The following ATRX variants were observed in gnomAD, a reference collection of about 807,000 sequenced individuals.
ATRX encodes ATRX chromatin remodeler.
ATRX carries 12 observed loss-of-function variants against 172.6 expected under a neutral mutation model. That is an observed-to-expected ratio of 0.07 (90% CI 0.04 to 0.11). The LOEUF is 0.11. Ranked by LOEUF, ATRX falls within the 10% of genes least tolerant of loss-of-function variation. The pLI is 1.00. For synonymous variants in ATRX, 674 were observed against 594.7 expected, an observed-to-expected ratio of 1.13 and a Z score of -1.94; for missense variants, 1,368 against 1,767.4, an observed-to-expected ratio of 0.77 and a Z score of 4.05.
intron 1 of ATRX, among the ~76,000 whole-genome samples, chrX:77,723,372 T>C (rs2073874056): frequency 8.9e-6 from 1 of 111,811 alleles, no homozygotes; most frequent in African/African-American, 3.3e-5. Flanking sequence ...ACTTAGTAAG[T>C]GTTCCTCTGC....
chrX:77,530,498 A>G (rs932218833), intron 30 of ATRX, among the ~76,000 whole-genome samples: 9 of 111,007 alleles, frequency 8.1e-5, no homozygotes, highest in Non-Finnish European at 1.3e-4. Context: ...AATCCCAGCT[A>G]CCTGGGAGGC....
In ATRX at chrX:77,654,182, C is replaced by T. The variant is rs1557118780; in HGVS notation, c.4233G>A (p.Glu1411=). The change falls in exon 14 of 35, where the codon GAG becomes GAA. Residue 1411 remains glutamate, a synonymous_variant. Transcript: ENST00000373344. ...TATAGCTCCGCTGATTTTCTTCCAA[C>T]TCTGCTTTCTTTGCAGACCTGACGA... The part of the protein sequence containing the change: ...RPRTRSAKKA[E]LEENQRSYKQ... The T allele has an allele frequency of 8.3e-7, 1 of 1,209,492 alleles. No homozygotes were observed. Among genetic ancestry groups the T allele is most frequent in the South Asian group, 1.8e-5 (1 of 56,975 alleles).
At chrX:77,521,952 C>A in intron 32 of ATRX, 1 of 258,215 alleles carries the variant, frequency 3.9e-6, no homozygotes, top group African/African-American at 2.7e-5. Flanking sequence ...AGTAAGATAG[C>A]AATTTATTAT....
At chrX:77,686,156 G>C (rs1335499320) in intron 7 of ATRX, among the ~76,000 whole-genome samples, 1 of 112,071 alleles carries the variant, frequency 8.9e-6, no homozygotes, top group Non-Finnish European at 1.9e-5. Context: ...GGTGACTACA[G>C]TCAATAGCAA....
intron 2 of ATRX, among the ~76,000 whole-genome samples, chrX:77,707,160 A>G (rs1337996632): frequency 8.9e-6 from 1 of 112,025 alleles, no homozygotes; most frequent in Non-Finnish European, 1.9e-5. Context: ...TTCCTAGAGT[A>G]GTCAAATTCC....
intron 1 of ATRX, among the ~76,000 whole-genome samples, chrX:77,771,031 T>C (rs1242005328): frequency 8.9e-6 from 1 of 112,168 alleles, no homozygotes; most frequent in African/African-American, 3.2e-5. Context: ...TAAAAGTATT[T>C]GTTGATTTTC....
chrX:77,645,073 T>C (rs782538112), intron 15 of ATRX, among the ~76,000 whole-genome samples: 2 of 111,432 alleles, frequency 1.8e-5, no homozygotes, highest in Non-Finnish European at 3.8e-5. Context: ...TCAAAAACTT[T>C]AGAGGCCAGA....
At chrX:77,537,110 A>C (rs1406767355) in intron 30 of ATRX, among the ~76,000 whole-genome samples, 2 of 111,972 alleles carry the variant, frequency 1.8e-5, no homozygotes, top group Non-Finnish European at 3.8e-5. Flanking sequence ...AGCCATATGG[A>C]GCTAGTGGCT....
chrX:77,725,497 C>A (rs782571176), intron 1 of ATRX, among the ~76,000 whole-genome samples: 12 of 112,041 alleles, frequency 1.1e-4, no homozygotes, highest in Non-Finnish European at 2.1e-4. Context: ...ACTTAAGCGT[C>A]AGACCTAAAA....
chrX:77,747,881 TAG>T (rs1258976795), intron 1 of ATRX, among the ~76,000 whole-genome samples: 10 of 112,205 alleles, frequency 8.9e-5, no homozygotes, highest in African/African-American at 1.6e-4. Context: ...CAAAGTTTGC[TAG>T]AGAGTCAAGA....
chrX:77,703,735 G>A (rs782134469), intron 2 of ATRX, among the ~76,000 whole-genome samples: 3 of 112,255 alleles, frequency 2.7e-5, no homozygotes, highest in Admixed American at 9.4e-5. Flanking sequence ...CACCCAAGAA[G>A]AATGAGGTGC....
intron 1 of ATRX, among the ~76,000 whole-genome samples, chrX:77,746,127 A>G (rs928243178): frequency 1.2e-4 from 13 of 111,262 alleles, no homozygotes; most frequent in Non-Finnish European, 5.7e-5. Flanking sequence ...ATGGAATGAT[A>G]GATAACAGAC....
At chrX:77,627,959 C>CAT (rs1256237016) in intron 19 of ATRX, among the ~76,000 whole-genome samples, 1 of 111,314 alleles carries the variant, frequency 9.0e-6, no homozygotes, top group Non-Finnish European at 1.9e-5. Context: ...CAAACAATGA[C>CAT]ATATATATAT....
intron 1 of ATRX, among the ~76,000 whole-genome samples, chrX:77,753,448 A>G (rs1197595010): frequency 5.4e-5 from 6 of 110,850 alleles, no homozygotes; most frequent in Non-Finnish European, 1.1e-4. Context: ...AGAGGTTTTC[A>G]TGTCTCTATC....
chrX:77,631,237 C>A (rs2068093613), intron 19 of ATRX, among the ~76,000 whole-genome samples: 1 of 108,310 alleles, frequency 9.2e-6, no homozygotes, highest in Admixed American at 9.9e-5. Flanking sequence ...GGTTTATAGT[C>A]CAATGCACGA....
At chrX:77,572,484 C>T (rs1311638264) in intron 28 of ATRX, among the ~76,000 whole-genome samples, 1 of 111,321 alleles carries the variant, frequency 9.0e-6, no homozygotes, top group Non-Finnish European at 1.9e-5. Flanking sequence ...TGCTTTTTGG[C>T]ATATGTTTAG....
intron 30 of ATRX, among the ~76,000 whole-genome samples, chrX:77,524,001 C>T (rs2063307798): frequency 1.8e-5 from 2 of 111,146 alleles, no homozygotes; most frequent in African/African-American, 6.5e-5. Flanking sequence ...AATTTATTAT[C>T]ATAGTATATA....
At chrX:77,516,094 G>A (rs1340061983) in intron 34 of ATRX, among the ~76,000 whole-genome samples, 1 of 111,602 alleles carries the variant, frequency 9.0e-6, no homozygotes, top group Non-Finnish European at 1.9e-5. Flanking sequence ...GCTGAGAGGA[G>A]GGAGATGATC....
At chrX:77,550,907 A>G (rs1385448130) in intron 30 of ATRX, among the ~76,000 whole-genome samples, 2 of 111,648 alleles carry the variant, frequency 1.8e-5, no homozygotes, top group African/African-American at 6.5e-5. Context: ...CCAACTTACA[A>G]GGGATGTGAA....
Sources: allele counts gnomAD v4.1 joint callset (sites outside exome capture counted in the v4.1 genomes callset), GRCh38; gene constraint gnomAD v4.1.1; transcripts MANE v1.5; gene names NCBI Gene and HGNC (gene_info 2026-07-23, HGNC 2026-07-21).